PLXNA2: variants seen among roughly 807,000 people sequenced by gnomAD.
The protein encoded by PLXNA2 is plexin-A2.
Under a neutral mutation model 193.5 loss-of-function variants are expected in PLXNA2, and 91 were observed. That is an observed-to-expected ratio of 0.47 (90% CI 0.40 to 0.56). The LOEUF is 0.56. Ranked by LOEUF, PLXNA2 falls within the 20% of genes least tolerant of loss-of-function variation. PLXNA2 has a pLI of 0.00. For synonymous variants in PLXNA2, 997 were observed against 1,027.3 expected, an observed-to-expected ratio of 0.97 and a Z score of 0.56; for missense variants, 1,995 against 2,503.2, an observed-to-expected ratio of 0.80 and a Z score of 4.33.
intron 14 of PLXNA2, among the ~76,000 whole-genome samples, chr1:208,054,056 C>T (rs867082543): frequency 2.0e-5 from 3 of 152,196 alleles, no homozygotes; most frequent in African/African-American, 7.2e-5. Context: ...GGCTATGCAT[C>T]CTCATTAGGC....
At position 208,210,371 on chromosome 1, in the gene PLXNA2, G is replaced by A; in HGVS notation, c.1280C>T (p.Thr427Ile). Reference protein sequence around the residue: ...TPVEGLTLYTTSRDRMTSVAS... With the variant: ...TPVEGLTLYTISRDRMTSVAS... Reference sequence around the variant, plus strand: ...CACAGAGGTCATGCGGTCCCTGCTGGTGGTGTACAGGGTCAGGCCCTCCAC... The same window carrying A: ...CACAGAGGTCATGCGGTCCCTGCTGATGGTGTACAGGGTCAGGCCCTCCAC... Residue 427 changes from threonine (T) to isoleucine (I), a missense_variant, in exon 3 of 32, where the codon ACC becomes ATC. Around this residue, in one of 3 missense-constraint regions of PLXNA2, gnomAD observed 702 missense variants for 812.9 expected, o/e 0.86. Coordinates refer to ENST00000367033, the MANE Select transcript of PLXNA2 (RefSeq NM_025179.4). 6.2e-7 allele frequency: 1 copy of A among 1,614,022 alleles called. No homozygotes were observed. The highest frequency in any genetic ancestry group is 1.1e-5 in the South Asian group (1 of 91,072).
Position 208,064,021 on chromosome 1 carries a change from A to G in PLXNA2, c.2587-3184T>C, listed in dbSNP as rs142755915. Reference sequence around the variant, plus strand: ...TTAATTTTTCCTCCTCCCACCCCCAAGCCAATTACCCTCCCAGATCCTCTT... The same window carrying G: ...TTAATTTTTCCTCCTCCCACCCCCAGGCCAATTACCCTCCCAGATCCTCTT... On this transcript the variant is annotated intron_variant, in intron 12 of 31. Transcript: ENST00000367033. 1.4e-4 allele frequency among the ~76,000 whole-genome samples: 21 copies of G among 152,214 alleles called. No individual in the cohort carries two copies. The East Asian group carries it at 4.1e-3, about 29-fold the overall frequency.
rs958041368 is a variant in PLXNA2 at position 208,114,591 on chromosome 1, G to A, written c.1507-11344C>T. Reference sequence around the variant, plus strand: ...CACAGGAACCTCATGCTGTAAAACAGAATTTTGGTTTTCAGCAAACACCAT... The same window carrying A: ...CACAGGAACCTCATGCTGTAAAACAAAATTTTGGTTTTCAGCAAACACCAT... On this transcript the variant is annotated intron_variant, in intron 4 of 31. Coordinates refer to ENST00000367033, the MANE Select transcript of PLXNA2 (RefSeq NM_025179.4). Among the ~76,000 whole-genome samples the A allele has an allele frequency of 2.0e-5, 3 of 152,346 alleles. No homozygotes were observed. The East Asian group carries it at 5.8e-4, about 29-fold the overall frequency.
Position 208,038,529 on chromosome 1 carries a change from C to A in PLXNA2, c.4661-55G>T. 7.2e-7 allele frequency: 1 copy of A among 1,391,324 alleles called. No individual in the cohort carries two copies. The highest frequency in any genetic ancestry group is 1.0e-6 in the Non-Finnish European group (1 of 977,386). The allele number at this position is 1,391,324 out of a possible 1,614,324, so 86.2% of individuals were successfully genotyped here. A position where few individuals can be genotyped will look rare whatever the true frequency, so the allele number is the denominator to read the frequency against. On this transcript the variant is annotated intron_variant, in intron 25 of 31. Coordinates refer to ENST00000367033, the MANE Select transcript of PLXNA2 (RefSeq NM_025179.4). The surrounding 1 kb of genome is among the most constrained non-coding windows in gnomAD (Gnocchi z 4.1). ...CGTGAGAGGGATGAGGGCTGTGAGC[C>A]AGTGTCTCCCGATTGCACCTTCTCT...
intron 28 of PLXNA2, chr1:208,032,033 G>A: frequency 1.0e-6 from 1 of 985,022 alleles, no homozygotes; most frequent in Non-Finnish European, 1.2e-6. Context: ...TCTTTGACAG[G>A]AAGACAGGAA....
rs1050273943 is a variant in PLXNA2 at position 208,023,104 on chromosome 1, G to A, written c.*4139C>T. 6.6e-6 allele frequency: 1 copy of A among 152,132 alleles called. No homozygotes were observed. Among genetic ancestry groups the A allele is most frequent in the African/African-American group, 2.4e-5 (1 of 41,412 alleles). 9.4% of individuals were successfully genotyped at this position (152,132 alleles called of 1,614,324 possible). ...AAGCATGTTCCTGAGACAAGGCGTC[G>A]GAAGGCCCTGAAGTTCATCTCCCAA... On this transcript the variant is annotated 3_prime_UTR_variant, in exon 32 of 32. Transcript: ENST00000367033.
At chr1:208,071,970 T>C (rs1665991978) in intron 12 of PLXNA2, among the ~76,000 whole-genome samples, 1 of 152,186 alleles carries the variant, frequency 6.6e-6, no homozygotes, top group Non-Finnish European at 1.5e-5. Context: ...GTTTCACAAA[T>C]GCATTTGCAT....
intron 9 of PLXNA2, among the ~76,000 whole-genome samples, chr1:208,086,948 ACTCTCTCTCTCTCT>A (rs59683728): frequency 2.0e-4 from 27 of 134,596 alleles, no homozygotes; most frequent in Admixed American, 1.0e-3. Context: ...TCTCTCTCGC[ACTCTCTCTCTCTCT>A]CTCTCTCTCT....
At chr1:208,130,201 G>T (rs149274995) in intron 4 of PLXNA2, among the ~76,000 whole-genome samples, 66 of 152,274 alleles carry the variant, frequency 4.3e-4, no homozygotes, top group African/African-American at 1.5e-3. Context: ...AGTGGAGATT[G>T]CGGCTGAAAA....
intron 3 of PLXNA2, among the ~76,000 whole-genome samples, chr1:208,164,884 T>G (rs976692136): frequency 2.0e-5 from 3 of 152,182 alleles, no homozygotes; most frequent in Non-Finnish European, 2.9e-5. Context: ...TCGGCAAAGC[T>G]GCAAGGAGGT....
chr1:208,031,697 G>T lies in PLXNA2; in HGVS notation c.5118C>A (p.Gly1706=). Residue 1706 remains glycine (G), a synonymous_variant, in exon 29 of 32, where the codon GGC becomes GGA. Coordinates refer to ENST00000367033, the MANE Select transcript of PLXNA2 (RefSeq NM_025179.4). The stretch of plus-strand genomic sequence containing the variant: ...ACTTGATGGCCAGGGGGAGAGCGCT[G>T]CCCCGGTGCACAGTGCTGAACAAGG... ...FETLFSTVHR[G]SALPLAIKYM... is the part of the protein sequence containing the mutation. The T allele has an allele frequency of 6.2e-7, 1 of 1,613,526 alleles. No homozygotes were observed. The highest frequency in any genetic ancestry group is 8.5e-7 in the Non-Finnish European group (1 of 1,179,876).
rs1427855030 is a variant in PLXNA2 at position 208,236,305 on chromosome 1, A to G, written c.-81+7338T>C. ...TGGGAAACCGGGGAGCAGTCAGGGG[A>G]GGTGGGAGGTCAGAGGCCAACGTAA... is the stretch of plus-strand genomic sequence containing the variant. On this transcript the variant is annotated intron_variant, in intron 1 of 31. Transcript: ENST00000367033. This position sits in a 1 kb window ranked among gnomAD's most constrained non-coding sequence, Gnocchi z 4.4. 9.2e-5 allele frequency among the ~76,000 whole-genome samples: 14 copies of G among 152,086 alleles called. No individual in the cohort carries two copies. Among genetic ancestry groups the G allele is most frequent in the Non-Finnish European group, 1.8e-4 (12 of 68,000 alleles).
At chr1:208,134,148 G>C (rs181725737) in intron 4 of PLXNA2, among the ~76,000 whole-genome samples, 1 of 152,268 alleles carries the variant, frequency 6.6e-6, no homozygotes, top group Non-Finnish European at 1.5e-5. Context: ...AGAGGCTGGA[G>C]TTTTCTCTCT....
rs752817633 is a variant in PLXNA2, at chr1:208,028,958, G to A, written c.5310C>T (p.Cys1770=). The A allele has an allele frequency of 2.4e-5, 38 of 1,614,146 alleles. No homozygotes were observed. The highest frequency in any genetic ancestry group is 3.1e-5 in the Non-Finnish European group (37 of 1,180,018). Residue 1770 remains cysteine, a synonymous_variant, in exon 30 of 32, where the codon TGC becomes TGT. Coordinates refer to ENST00000367033, the MANE Select transcript of PLXNA2 (RefSeq NM_025179.4). The surrounding 1 kb of genome is among the most constrained non-coding windows in gnomAD (Gnocchi z 4.2). ...DIHKGSITDA[C]LSVVAQTFMD... ...TGAAGGTCTGGGCCACCACAGAGAG[G>A]CAGGCGTCCGTGATGCTGCCCTTGT...
At position 208,210,334 on chromosome 1, in the gene PLXNA2, A is replaced by C. The variant is rs1390537366; in HGVS notation, c.1317T>G (p.Val439=). The change falls in exon 3 of 32, where the codon GTT becomes GTG. Residue 439 remains valine, a synonymous_variant. Coordinates refer to ENST00000367033, the MANE Select transcript of PLXNA2 (RefSeq NM_025179.4). ...RDRMTSVASY[V]YNGYSVVFVG... ...CAAAAACCACGCTGTAGCCGTTGTA[A>C]ACGTAGGAGGCCACAGAGGTCATGC... 6.2e-7 allele frequency: 1 copy of C among 1,614,000 alleles called. No individual in the cohort carries two copies. Among genetic ancestry groups the C allele is most frequent in the Non-Finnish European group, 8.5e-7 (1 of 1,180,012 alleles).
In PLXNA2 at chr1:208,098,909, G is replaced by C. The variant is rs566451776; in HGVS notation, c.1668C>G (p.Ile556Met). The C allele has an allele frequency of 2.7e-5, 44 of 1,613,990 alleles. No individual in the cohort carries two copies. The South Asian group carries it at 4.6e-4, about 17-fold the overall frequency. ...GCACTGCAAGGCTCACACACTGGCT[G>C]ATGCTGGCAGCAAATCGATTAGGTT... ...AWEPNRFAASISQCVSLAVHP... is the reference protein window; with the variant it reads ...AWEPNRFAASMSQCVSLAVHP... Residue 556 changes from isoleucine to methionine, a missense_variant, in exon 6 of 32, where the codon ATC becomes ATG. Physicochemically the swap from Ile to Met is conservative, Grantham distance 10. This residue lies in a region of PLXNA2 where 702 missense variants were observed against 812.9 expected (regional missense o/e 0.86). Transcript: ENST00000367033.
chr1:208,184,333 G>A (rs1201804619), intron 3 of PLXNA2, among the ~76,000 whole-genome samples: 4 of 152,002 alleles, frequency 2.6e-5, no homozygotes, highest in African/African-American at 2.4e-5. Flanking sequence ...GAAGGGGGAC[G>A]CTGTCTGTAG....
chr1:208,079,294 T>C lies in PLXNA2; in HGVS notation c.2552A>G (p.His851Arg). 1 of 1,611,742 alleles carries C rather than the reference T, an allele frequency of 6.2e-7. No individual in the cohort carries two copies. Among genetic ancestry groups the C allele is most frequent in the Non-Finnish European group, 8.5e-7 (1 of 1,177,992 alleles). Residue 851 changes from histidine to arginine, a missense_variant, in exon 12 of 32, where the codon CAC becomes CGC. His to Arg is a conservative substitution (Grantham distance 29). This residue lies in a region of PLXNA2 where 1,291 missense variants were observed against 1,673.6 expected (regional missense o/e 0.77). Coordinates refer to ENST00000367033, the MANE Select transcript of PLXNA2 (RefSeq NM_025179.4). Reference sequence around the variant, plus strand: ...TTGAGGGTTGGAGCACTTGACATTGTGGCTGGACCAGTCGAGCCAGGGGCT... The same window carrying C: ...TTGAGGGTTGGAGCACTTGACATTGCGGCTGGACCAGTCGAGCCAGGGGCT... Reference protein sequence around the residue: ...PSSPWLDWSSHNVKCSNPQIT... With the variant: ...PSSPWLDWSSRNVKCSNPQIT...
At chr1:208,088,842 T>G (rs1001222617) in intron 9 of PLXNA2, among the ~76,000 whole-genome samples, 1 of 152,214 alleles carries the variant, frequency 6.6e-6, no homozygotes, top group African/African-American at 2.4e-5. Flanking sequence ...TTGTGGTGTG[T>G]GTGCGTGTGA....
Sources: gnomAD v4.1 joint callset for allele counts (sites outside exome capture counted in the v4.1 genomes callset) on GRCh38, gnomAD v4.1.1 for gene constraint, gnomAD v4.1.1 regional missense constraint, Gnocchi (gnomAD v3.1) non-coding constraint, MANE v1.5 for transcripts, NCBI Gene and HGNC (gene_info 2026-07-23, HGNC 2026-07-21) for gene names.